NFIA: variants seen among roughly 807,000 people sequenced by gnomAD.
NFIA encodes nuclear factor 1 A-type.
A neutral mutation model predicts 62.8 loss-of-function variants in NFIA; 8 were observed. The observed-to-expected ratio is 0.13, with a 90% CI of 0.07 to 0.23. The LOEUF (loss-of-function observed/expected upper bound fraction) is 0.23, where lower values mean the gene tolerates loss of function less well. Among genes scored for constraint, NFIA ranks in the 10% least tolerant of loss-of-function variants. The pLI is 1.00. For synonymous variants in NFIA, 235 were observed against 238.1 expected, an observed-to-expected ratio of 0.99 and a Z score of 0.12; for missense variants, 410 against 642.1, an observed-to-expected ratio of 0.64 and a Z score of 3.91.
Position 61,406,543 on chromosome 1 carries a change from G to GGGGCCCCCCCCCCC in NFIA, c.1255-19_1255-18insGGGCCCCCCCCCCC. 1.1e-6 allele frequency: 1 copy of GGGGCCCCCCCCCCC among 876,654 alleles called. No individual in the cohort carries two copies. Among genetic ancestry groups the GGGGCCCCCCCCCCC allele is most frequent in the Non-Finnish European group, 1.5e-6 (1 of 653,744 alleles). The allele number at this position is 876,654 out of a possible 1,614,324, so 54.3% of individuals were successfully genotyped here. On this transcript the variant is annotated intron_variant, in intron 8 of 10. Coordinates refer to ENST00000403491, the MANE Select transcript of NFIA (RefSeq NM_001134673.4). ...TCTTTTTCTTGTACGTGTGTTTTCT[G>GGGGCCCCCCCCCCC]CCCCCCCCCCCCCCACAGCCCAATG...
chr1:61,144,370 C>T (rs1486807225), intron 2 of NFIA, among the ~76,000 whole-genome samples: 1 of 152,226 alleles, frequency 6.6e-6, no homozygotes, highest in African/African-American at 2.4e-5. Flanking sequence ...GCAGATAGCT[C>T]TCTGGAGAAC....
intron 2 of NFIA, among the ~76,000 whole-genome samples, chr1:61,101,467 A>C (rs1039463779): frequency 7.2e-5 from 11 of 152,188 alleles, no homozygotes; most frequent in Non-Finnish European, 1.2e-4. Flanking sequence ...TGTGCACAGA[A>C]AAGTTCTATT....
upstream of NFIA, among the ~76,000 whole-genome samples, chr1:61,081,297 C>A (rs1646091807): frequency 6.6e-6 from 1 of 151,672 alleles, no homozygotes; most frequent in Admixed American, 6.6e-5. Flanking sequence ...TGGCAACTTG[C>A]CAAACCCTAA....
rs937366472 is a variant in NFIA, at chr1:61,364,937, C to T, written c.946+5663C>T. Among the ~76,000 whole-genome samples the T allele has an allele frequency of 4.6e-5, 7 of 152,116 alleles. 1 individual carries two copies. Among genetic ancestry groups the T allele is most frequent in the Admixed American group, 3.3e-4 (5 of 15,272 alleles). On this transcript the variant is annotated intron_variant, in intron 6 of 10. Transcript: ENST00000403491. ...CTTACTAAAAATAGAGAACCCTGGC[C>T]GGGCATGGGGCCCAAGGTGGGAGGA...
At chr1:61,119,805 A>C (rs1229221978) in intron 2 of NFIA, among the ~76,000 whole-genome samples, 4 of 152,184 alleles carry the variant, frequency 2.6e-5, no homozygotes, top group Admixed American at 2.6e-4. Context: ...AGAATTAGTA[A>C]TCATGCATCA....
At chr1:61,383,717 C>G (rs928300730) in intron 7 of NFIA, among the ~76,000 whole-genome samples, 1 of 152,142 alleles carries the variant, frequency 6.6e-6, no homozygotes, top group Non-Finnish European at 1.5e-5. Context: ...TGCGCACATG[C>G]GCGTGCACAC....
chr1:61,430,655 G>GT (rs71050126), intron 10 of NFIA, among the ~76,000 whole-genome samples: 112,668 of 152,016 alleles, frequency 0.74, 42,349 homozygotes, highest in East Asian at 0.98. Flanking sequence ...CTTGTAGTCT[G>GT]TTTTTTTCTC....
intron 2 of NFIA, among the ~76,000 whole-genome samples, chr1:61,102,872 G>A (rs1301076547): frequency 6.6e-6 from 1 of 152,120 alleles, no homozygotes; most frequent in African/African-American, 2.4e-5. Context: ...TAACGCATCA[G>A]CCTCAGATCT....
chr1:61,161,758 C>T (rs1649226298), intron 2 of NFIA, among the ~76,000 whole-genome samples: 1 of 152,132 alleles, frequency 6.6e-6, no homozygotes, highest in Non-Finnish European at 1.5e-5. Context: ...CACACACACA[C>T]ACCCCTCTAT....
At chr1:61,207,974 CTTTTTTTTTTT>C (rs11444962) in intron 2 of NFIA, among the ~76,000 whole-genome samples, 20 of 115,436 alleles carry the variant, frequency 1.7e-4, no homozygotes, top group African/African-American at 6.4e-4. Context: ...TGCACTGAAC[CTTTTTTTTTTT>C]TTTTTTTTTT....
intron 2 of NFIA, among the ~76,000 whole-genome samples, chr1:61,186,850 G>A (rs1029334407): frequency 6.6e-6 from 1 of 152,144 alleles, no homozygotes; most frequent in Non-Finnish European, 1.5e-5. Flanking sequence ...GAAGGAAAGT[G>A]AGCCAAAGAG....
intron 2 of NFIA, among the ~76,000 whole-genome samples, chr1:61,094,474 G>A (rs1646377493): frequency 6.6e-6 from 1 of 152,150 alleles, no homozygotes; most frequent in Non-Finnish European, 1.5e-5. Context: ...AGCTTTGGGA[G>A]TTTTTATTCA....
At chr1:61,213,161 G>A (rs1653374412) in intron 2 of NFIA, among the ~76,000 whole-genome samples, 1 of 152,186 alleles carries the variant, frequency 6.6e-6, no homozygotes, top group South Asian at 2.1e-4. Context: ...AATTTAAAGT[G>A]ACCCAAGTTT....
chr1:61,315,310 C>T (rs905132406), intron 3 of NFIA, among the ~76,000 whole-genome samples: 1 of 152,158 alleles, frequency 6.6e-6, no homozygotes, highest in South Asian at 2.1e-4. Context: ...TGACAGTTAA[C>T]ATCTGACAAG....
At position 61,281,138 on chromosome 1, in the gene NFIA, C is replaced by A. The variant is rs1570504439; in HGVS notation, c.625+3553C>A. The stretch of plus-strand genomic sequence containing the variant: ...GCCTGTAATACCACTACTCGGGAGG[C>A]TGAGGCAGCAGACTATCTTGAATCC... On this transcript the variant is annotated intron_variant, in intron 3 of 10. Transcript: ENST00000403491. Among the ~76,000 whole-genome samples, 4 of 151,838 alleles carry A rather than the reference C, an allele frequency of 2.6e-5. No homozygotes were observed. The South Asian group carries it at 8.3e-4, about 32-fold the overall frequency.
chr1:61,301,510 G>A (rs1659494731), intron 3 of NFIA, among the ~76,000 whole-genome samples: 1 of 152,048 alleles, frequency 6.6e-6, no homozygotes, highest in South Asian at 2.1e-4. Context: ...TTAAGGACTC[G>A]ACTTTACAGA....
At chr1:61,250,208 T>A (rs1655937780) in intron 2 of NFIA, 1 of 152,208 alleles carries the variant, frequency 6.6e-6, no homozygotes, top group African/African-American at 2.4e-5. Flanking sequence ...TGGAGGCCAT[T>A]TTCAATATTT....
At chr1:61,180,287 G>A (rs1458054878) in intron 2 of NFIA, among the ~76,000 whole-genome samples, 2 of 152,132 alleles carry the variant, frequency 1.3e-5, no homozygotes, top group Non-Finnish European at 2.9e-5. Context: ...AGGCAAAGAC[G>A]CCGTAAGGAG....
intron 2 of NFIA, among the ~76,000 whole-genome samples, chr1:61,090,283 C>T (rs1646297924): frequency 6.6e-6 from 1 of 152,102 alleles, no homozygotes; most frequent in African/African-American, 2.4e-5. Context: ...TTGTTTTTAC[C>T]TTTTAGATAT....
Sources: allele counts gnomAD v4.1 joint callset (sites outside exome capture counted in the v4.1 genomes callset), GRCh38; gene constraint gnomAD v4.1.1; transcripts MANE v1.5; gene names NCBI Gene and HGNC (gene_info 2026-07-23, HGNC 2026-07-21).